Variants in KLHL1 observed in about 807,000 individuals in gnomAD.
KLHL1 encodes kelch like family member 1.
Under a neutral mutation model 77.7 loss-of-function variants are expected in KLHL1, and 47 were observed. The ratio of observed to expected loss-of-function variants is 0.60; its 90% confidence interval spans 0.48 to 0.77. The LOEUF is 0.77. Ranked by LOEUF, KLHL1 falls within the 30% of genes least tolerant of loss-of-function variation. The probability of loss-of-function intolerance (pLI) is 0.00; values close to 1 mark genes in which losing one functional copy is unlikely to be tolerated. For missense variants in KLHL1, 925 were observed against 910.8 expected (o/e 1.02, Z -0.20); for synonymous variants, 360 against 325.2 (o/e 1.11, Z -1.15).
rs573428979 is a variant in KLHL1 at position 69,798,762 on chromosome 13, TA to T, written c.1415-1801del. Among the ~76,000 whole-genome samples, 873 of 152,150 alleles carry T rather than the reference TA, an allele frequency of 5.7e-3. 6 individuals carry two copies. The highest frequency in any genetic ancestry group is 0.018 in the African/African-American group (743 of 41,514). ...CTTTTATATTACATGAATGCATAACTAAAAATTAAGAGTTATACACAGATGG... is the reference window on the plus strand; with the variant it reads ...CTTTTATATTACATGAATGCATAACTAAAATTAAGAGTTATACACAGATGG... On this transcript the variant is annotated intron_variant, in intron 6 of 10. Coordinates refer to ENST00000377844, the MANE Select transcript of KLHL1 (RefSeq NM_020866.3).
chr13:69,709,279 T>C (rs1875769389), intron 9 of KLHL1, among the ~76,000 whole-genome samples: 1 of 152,006 alleles, frequency 6.6e-6, no homozygotes, highest in Non-Finnish European at 1.5e-5. Context: ...CCTTTAAAAA[T>C]ATTTAAACCT....
At chr13:69,801,031 G>A (rs551100337) in intron 6 of KLHL1, among the ~76,000 whole-genome samples, 1 of 152,302 alleles carries the variant, frequency 6.6e-6, no homozygotes, top group Non-Finnish European at 1.5e-5. Flanking sequence ...ATTACTCTGT[G>A]CGTAGAATAT....
At chr13:69,772,913 GT>G (rs577912214) in intron 7 of KLHL1, among the ~76,000 whole-genome samples, 1 of 151,828 alleles carries the variant, frequency 6.6e-6, no homozygotes. Flanking sequence ...AAGAGATAGA[GT>G]TTTTTTTAAC....
intron 4 of KLHL1, among the ~76,000 whole-genome samples, chr13:69,927,252 TA>T (rs1882847387): frequency 6.6e-6 from 1 of 152,034 alleles, no homozygotes; most frequent in South Asian, 2.1e-4. Context: ...TCACACCATA[TA>T]AAAATTAACT....
intron 3 of KLHL1, among the ~76,000 whole-genome samples, chr13:69,945,923 A>C: frequency 6.6e-6 from 1 of 152,214 alleles, no homozygotes; most frequent in East Asian, 1.9e-4. Context: ...AAAGAACTAA[A>C]ATGTTACATG....
chr13:69,981,390 T>C (rs771097692), intron 1 of KLHL1, among the ~76,000 whole-genome samples: 62 of 152,078 alleles, frequency 4.1e-4, no homozygotes, highest in Middle Eastern at 3.2e-3. Context: ...AAAGCAGTTT[T>C]TTTTTCTAAG....
intron 6 of KLHL1, among the ~76,000 whole-genome samples, chr13:69,813,503 C>CACACACACAT (rs34163072): frequency 1.1e-3 from 165 of 148,922 alleles, no homozygotes; most frequent in Non-Finnish European, 1.8e-3. Flanking sequence ...CACACACACA[C>CACACACACAT]ATATATATAT....
intron 7 of KLHL1, among the ~76,000 whole-genome samples, chr13:69,791,335 T>C (rs190854912): frequency 2.0e-5 from 3 of 150,742 alleles, no homozygotes; most frequent in Admixed American, 2.0e-4. Flanking sequence ...GGAAGATTTA[T>C]TTTTTTTTAC....
chr13:70,104,478 G>A (rs992987731), intron 1 of KLHL1, among the ~76,000 whole-genome samples: 12 of 151,936 alleles, frequency 7.9e-5, no homozygotes, highest in African/African-American at 1.9e-4. Context: ...TGTTCTAACC[G>A]GTTTACTCAA....
intron 9 of KLHL1, 124 bp from the exon 10 acceptor site, chr13:69,707,920 C>T: frequency 1.5e-6 from 1 of 674,154 alleles, no homozygotes; most frequent in Middle Eastern, 4.1e-4. Context: ...TCTAAAGGCT[C>T]AATCATTTGA....
At chr13:69,935,453 A>G (rs1442812427) in intron 4 of KLHL1, among the ~76,000 whole-genome samples, 1 of 152,200 alleles carries the variant, frequency 6.6e-6, no homozygotes, top group Non-Finnish European at 1.5e-5. Context: ...AATATATATT[A>G]TAAAGCCAGG....
At chr13:69,881,822 T>C (rs1318078472) in intron 5 of KLHL1, among the ~76,000 whole-genome samples, 1 of 152,198 alleles carries the variant, frequency 6.6e-6, no homozygotes, top group East Asian at 1.9e-4. Flanking sequence ...GTTTTATTCC[T>C]CTGCAGAGGT....
intron 7 of KLHL1, among the ~76,000 whole-genome samples, chr13:69,764,969 T>G (rs1875217408): frequency 9.0e-6 from 1 of 111,480 alleles, no homozygotes; most frequent in Non-Finnish European, 1.8e-5. Flanking sequence ...TTTTTTTTTT[T>G]GAGACCAAGT....
chr13:69,921,188 T>C (rs1319279040), intron 4 of KLHL1, among the ~76,000 whole-genome samples: 1 of 152,196 alleles, frequency 6.6e-6, no homozygotes, highest in Non-Finnish European at 1.5e-5. Context: ...AAAAGAAACG[T>C]TATAAACATC....
chr13:69,945,760 C>T (rs1403614179), intron 3 of KLHL1, among the ~76,000 whole-genome samples: 2 of 152,104 alleles, frequency 1.3e-5, no homozygotes, highest in African/African-American at 4.8e-5. Flanking sequence ...AATGGTACAA[C>T]TACTTTAGAA....
chr13:70,088,544 A>G (rs1160046806), intron 1 of KLHL1, among the ~76,000 whole-genome samples: 1 of 152,092 alleles, frequency 6.6e-6, no homozygotes, highest in East Asian at 1.9e-4. Context: ...CTAGCTGGGC[A>G]TGTTGGTGTA....
intron 4 of KLHL1, among the ~76,000 whole-genome samples, chr13:69,939,374 T>TAC (rs1271739736): frequency 3.2e-4 from 31 of 97,110 alleles, no homozygotes; most frequent in African/African-American, 6.2e-4. Context: ...TATATATATA[T>TAC]ATATACACAC....
chr13:69,812,835 A>C (rs1443240489), intron 6 of KLHL1, among the ~76,000 whole-genome samples: 1 of 149,132 alleles, frequency 6.7e-6, no homozygotes, highest in Non-Finnish European at 1.5e-5. Context: ...CAGGTGCTGG[A>C]GAGGATGTGG....
intron 4 of KLHL1, among the ~76,000 whole-genome samples, chr13:69,884,662 A>T (rs930922760): frequency 1.3e-5 from 2 of 152,184 alleles, no homozygotes; most frequent in African/African-American, 4.8e-5. Context: ...ATTATATTTT[A>T]TAGTGTCCTC....
Sources: gnomAD v4.1 joint callset for allele counts (sites outside exome capture counted in the v4.1 genomes callset) on GRCh38, gnomAD v4.1.1 for gene constraint, MANE v1.5 for transcripts, NCBI Gene and HGNC (gene_info 2026-07-23, HGNC 2026-07-21) for gene names.